The following OTOGL variants were observed in gnomAD, a reference collection of about 807,000 sequenced individuals.
OTOGL encodes the protein otogelin like, also known as otogelin-like protein.
Under a neutral mutation model 318.5 loss-of-function variants are expected in OTOGL, and 285 were observed. The ratio of observed to expected loss-of-function variants is 0.89; its 90% CI spans 0.81 to 0.99. The LOEUF (loss-of-function observed/expected upper bound fraction) is 0.99. Ranked by LOEUF, OTOGL falls within the 50% of genes least tolerant of loss-of-function variation. The probability of loss-of-function intolerance (pLI) is 0.00; values close to 1 mark genes in which losing one functional copy is unlikely to be tolerated. For missense variants in OTOGL, 2,899 were observed against 2,845.6 expected (o/e 1.02, Z -0.43); for synonymous variants, 987 against 936.5 (o/e 1.05, Z -0.99).
chr12:80,230,949 T>C (rs1306298035), intron 8 of OTOGL, among the ~76,000 whole-genome samples: 1 of 152,228 alleles, frequency 6.6e-6, no homozygotes, highest in African/African-American at 2.4e-5. Flanking sequence ...TTTAAACTAT[T>C]ATTTCCCATC....
At chr12:80,182,027 T>A (rs1479863352) in intron 1 of OTOGL, among the ~76,000 whole-genome samples, 1 of 151,944 alleles carries the variant, frequency 6.6e-6, no homozygotes, top group East Asian at 1.9e-4. Context: ...AGTAGCCAGG[T>A]GTGGTGGCAT....
intron 9 of OTOGL, among the ~76,000 whole-genome samples, chr12:80,235,467 C>CA (rs10600987): frequency 1.5e-4 from 13 of 86,952 alleles, no homozygotes; most frequent in African/African-American, 5.8e-4. Flanking sequence ...GACTCTGTCT[C>CA]AAAAAAAAAA....
intron 1 of OTOGL, among the ~76,000 whole-genome samples, chr12:80,127,266 G>T (rs1292543817): frequency 2.0e-5 from 3 of 152,084 alleles, no homozygotes; most frequent in African/African-American, 7.2e-5. Flanking sequence ...ACATTTGCTT[G>T]TCTGTAAAGT....
intron 1 of OTOGL, among the ~76,000 whole-genome samples, chr12:80,159,419 T>G (rs1873348627): frequency 6.6e-6 from 1 of 152,158 alleles, no homozygotes; most frequent in Non-Finnish European, 1.5e-5. Flanking sequence ...ACAAATTCTC[T>G]TTGAATGTCT....
chr12:80,120,062 AC>A (rs1030768747), intron 1 of OTOGL, among the ~76,000 whole-genome samples: 98 of 150,612 alleles, frequency 6.5e-4, no homozygotes, highest in African/African-American at 2.2e-3. Context: ...TAGACTTTTT[AC>A]CATTTTTTTT....
intron 1 of OTOGL, among the ~76,000 whole-genome samples, chr12:80,124,998 A>G (rs1450903104): frequency 6.6e-6 from 1 of 152,164 alleles, no homozygotes; most frequent in African/African-American, 2.4e-5. Flanking sequence ...GGACAATTTG[A>G]CTTCCTCTTT....
intron 1 of OTOGL, among the ~76,000 whole-genome samples, chr12:80,204,959 C>G (rs1377841210): frequency 1.3e-5 from 2 of 152,082 alleles, no homozygotes; most frequent in South Asian, 4.1e-4. Context: ...AATGCCCTGC[C>G]AGACATGGAC....
In OTOGL at chr12:80,371,670, G is replaced by A. The variant is rs576430883; in HGVS notation, c.6736-349G>A. 4.0e-3 allele frequency among the ~76,000 whole-genome samples: 610 copies of A among 152,166 alleles called. 6 individuals are homozygous for A. The highest frequency in any genetic ancestry group is 0.029 in the South Asian group (141 of 4,818). On this transcript the variant is annotated intron_variant, in intron 56 of 58. Coordinates refer to ENST00000547103, the MANE Select transcript of OTOGL (RefSeq NM_001378609.3). ...CTCAAGTCAAATGGAAGTAGTTTAG[G>A]TTATTTCAAGGAGTTGAAAATATAT... is the stretch of plus-strand genomic sequence containing the variant.
chr12:80,185,330 T>C (rs1379639787), intron 1 of OTOGL, among the ~76,000 whole-genome samples: 1 of 152,208 alleles, frequency 6.6e-6, no homozygotes, highest in Non-Finnish European at 1.5e-5. Flanking sequence ...TTGCCCAGTC[T>C]GGAGTGCAGT....
chr12:80,262,525 A>G (rs1592625973), intron 19 of OTOGL, among the ~76,000 whole-genome samples: 1 of 152,134 alleles, frequency 6.6e-6, no homozygotes, highest in East Asian at 1.9e-4. Flanking sequence ...TACTCATAGC[A>G]TATATTATGG....
At chr12:80,196,088 A>G (rs1057010115) in intron 1 of OTOGL, among the ~76,000 whole-genome samples, 6 of 152,182 alleles carry the variant, frequency 3.9e-5, no homozygotes, top group South Asian at 2.1e-4. Flanking sequence ...TTCTCTACTA[A>G]TAAGTGAGTG....
At chr12:80,339,291 T>C in intron 43 of OTOGL, 27 bp downstream of exon 43, 1 of 1,340,764 alleles carries the variant, frequency 7.5e-7, no homozygotes, top group Non-Finnish European at 1.0e-6. Flanking sequence ...AAATCTTGAT[T>C]TCGTCTGTTT....
At chr12:80,356,743 G>T in intron 48 of OTOGL, 64 bp from the exon 49 acceptor site, 2 of 964,360 alleles carry the variant, frequency 2.1e-6, no homozygotes, top group Non-Finnish European at 1.5e-6. Flanking sequence ...TCAAAGAGAG[G>T]TAAACACTAT....
At chr12:80,318,116 C>G (rs889048294) in intron 32 of OTOGL, among the ~76,000 whole-genome samples, 1 of 152,038 alleles carries the variant, frequency 6.6e-6, no homozygotes, top group Non-Finnish European at 1.5e-5. Flanking sequence ...CTTCTTATCC[C>G]TCCAATCCAA....
At chr12:80,123,554 G>A (rs1870618674) in intron 1 of OTOGL, among the ~76,000 whole-genome samples, 1 of 152,186 alleles carries the variant, frequency 6.6e-6, no homozygotes, top group Non-Finnish European at 1.5e-5. Flanking sequence ...TACCCAGTCA[G>A]TAATGGCATG....
intron 3 of OTOGL, 81 bp downstream of exon 3, chr12:80,210,967 C>A: frequency 1.1e-6 from 1 of 924,106 alleles, no homozygotes; most frequent in Non-Finnish European, 1.5e-6. Flanking sequence ...ACTATATCTG[C>A]TTTTGAAAAA....
chr12:80,304,808 T>G (rs1205157567), intron 28 of OTOGL, among the ~76,000 whole-genome samples: 1 of 152,146 alleles, frequency 6.6e-6, no homozygotes, highest in Admixed American at 6.5e-5. Flanking sequence ...CTAGAAGCAG[T>G]AGAACTACTC....
intron 1 of OTOGL, among the ~76,000 whole-genome samples, chr12:80,150,744 C>T (rs1408955840): frequency 6.6e-6 from 1 of 152,184 alleles, no homozygotes; most frequent in African/African-American, 2.4e-5. Context: ...TGTATCCACC[C>T]ATAACTGTTT....
chr12:80,375,137 C>G (rs1334220595), intron 57 of OTOGL, among the ~76,000 whole-genome samples: 2 of 152,140 alleles, frequency 1.3e-5, no homozygotes, highest in Non-Finnish European at 2.9e-5. Flanking sequence ...AAACCCTTTC[C>G]TGCCGCCTTT....
Sources: allele counts gnomAD v4.1 joint callset (sites outside exome capture counted in the v4.1 genomes callset), GRCh38; gene constraint gnomAD v4.1.1; transcripts MANE v1.5; gene names NCBI Gene and HGNC (gene_info 2026-07-23, HGNC 2026-07-21).